Variants in SMCHD1 observed in about 807,000 individuals in gnomAD.
The protein encoded by SMCHD1 is structural maintenance of chromosomes flexible hinge domain-containing protein 1.
A neutral mutation model predicts 254.7 loss-of-function variants in SMCHD1; 78 were observed. The ratio of observed to expected loss-of-function variants is 0.31; its 90% CI spans 0.26 to 0.37. SMCHD1 has a LOEUF of 0.37. Among genes scored for constraint, SMCHD1 ranks in the 10% least tolerant of loss-of-function variants. SMCHD1 has a pLI of 1.00. For synonymous variants in SMCHD1, 766 were observed against 794.9 expected, an observed-to-expected ratio of 0.96 and a Z score of 0.61; for missense variants, 1,840 against 2,408.1, an observed-to-expected ratio of 0.76 and a Z score of 4.94.
chr18:2,732,618 T>C (rs2075164713), intron 25 of SMCHD1, 126 bp downstream of exon 25: 2 of 602,046 alleles, frequency 3.3e-6, no homozygotes, highest in African/African-American at 3.7e-5. Flanking sequence ...TATACTATCA[T>C]TTCAAATTGT....
At chr18:2,694,000 A>G (rs1447396237) in intron 7 of SMCHD1, among the ~76,000 whole-genome samples, 1 of 152,154 alleles carries the variant, frequency 6.6e-6, no homozygotes, top group Non-Finnish European at 1.5e-5. Context: ...AAATTCCCCT[A>G]CTAACTCCCT....
intron 1 of SMCHD1, among the ~76,000 whole-genome samples, chr18:2,660,975 A>G (rs1405848182): frequency 6.6e-6 from 1 of 152,214 alleles, no homozygotes; most frequent in Non-Finnish European, 1.5e-5. Context: ...TGGCACATAT[A>G]CACCATGGAA....
At chr18:2,798,978 A>AT (rs1282472851) in intron 47 of SMCHD1, among the ~76,000 whole-genome samples, 3 of 152,200 alleles carry the variant, frequency 2.0e-5, no homozygotes, top group Non-Finnish European at 4.4e-5. Context: ...GAACTTGTTA[A>AT]TTAAGATTTT....
intron 8 of SMCHD1, among the ~76,000 whole-genome samples, chr18:2,694,967 CAG>C: frequency 6.6e-6 from 1 of 152,276 alleles, no homozygotes; most frequent in Middle Eastern, 3.4e-3. Flanking sequence ...CACAGTTTGT[CAG>C]ATTGAGCACT....
In SMCHD1 at chr18:2,694,442, A is replaced by G. The variant is rs538678316; in HGVS notation, c.874-85A>G. Reference sequence around the variant, plus strand: ...AACCTATTTGTGAAACTCCAAGTAAATCACATTAAAATTTGATGCAATAGC... The same window carrying G: ...AACCTATTTGTGAAACTCCAAGTAAGTCACATTAAAATTTGATGCAATAGC... On this transcript the variant is annotated intron_variant, in intron 7 of 47. Coordinates refer to ENST00000320876, the MANE Select transcript of SMCHD1 (RefSeq NM_015295.3). 15 of 1,171,734 alleles carry G rather than the reference A, an allele frequency of 1.3e-5. No homozygotes were observed. The East Asian group carries it at 3.1e-4, about 24-fold the overall frequency. The allele number at this position is 1,171,734 out of a possible 1,614,324, so 72.6% of individuals were successfully genotyped here. A position where few individuals can be genotyped will look rare whatever the true frequency, so the allele number is the denominator to read the frequency against.
At chr18:2,719,028 A>G (rs1466791709) in intron 19 of SMCHD1, among the ~76,000 whole-genome samples, 1 of 151,108 alleles carries the variant, frequency 6.6e-6, no homozygotes, top group African/African-American at 2.4e-5. Flanking sequence ...CCCAGTCCTC[A>G]AGTTTTAGGG....
intron 2 of SMCHD1, 31 bp from the exon 3 acceptor site, chr18:2,666,829 GATGCTGACCT>G: frequency 6.6e-7 from 1 of 1,514,452 alleles, no homozygotes; most frequent in Non-Finnish European, 9.0e-7. Flanking sequence ...TTGAGTTTCT[GATGCTGACCT>G]AGCACTTATG....
In SMCHD1 at chr18:2,747,506, T is replaced by G. The variant is rs79829175; in HGVS notation, c.3802-16T>G. The G allele has an allele frequency of 3.3e-3, 5,148 of 1,582,640 alleles. 138 individuals carry two copies. In the African/African-American group the frequency reaches 0.058, roughly 18 times the overall value. On this transcript the variant is annotated splice_polypyrimidine_tract_variant and intron_variant, in intron 29 of 47. Coordinates refer to ENST00000320876, the MANE Select transcript of SMCHD1 (RefSeq NM_015295.3). ...ATATATTTTAGTGTTTCTTAAAATA[T>G]TTCTATTCTTTTCAGTCCATTCCAG...
chr18:2,662,968 G>T (rs992565540), intron 1 of SMCHD1, among the ~76,000 whole-genome samples: 4 of 152,004 alleles, frequency 2.6e-5, no homozygotes, highest in Non-Finnish European at 4.4e-5. Flanking sequence ...CTATTTCTCT[G>T]TACAGAGGCC....
At chr18:2,749,492 A>G (rs2075531302) in intron 30 of SMCHD1, among the ~76,000 whole-genome samples, 1 of 152,196 alleles carries the variant, frequency 6.6e-6, no homozygotes, top group African/African-American at 2.4e-5. Context: ...ACCCTTCTAG[A>G]CCAGTTATTA....
chr18:2,752,723 G>A (rs963054789), intron 34 of SMCHD1, 171 bp downstream of exon 34: 7 of 539,022 alleles, frequency 1.3e-5, no homozygotes, highest in Non-Finnish European at 2.3e-5. Context: ...TCGTTTTTAA[G>A]CATTAAATTG....
chr18:2,679,577 T>G lies in SMCHD1; in HGVS notation c.638+5432T>G, dbSNP rs374180274. Among the ~76,000 whole-genome samples the G allele has an allele frequency of 1.8e-3, 276 of 151,890 alleles. 3 individuals are homozygous for G. Among genetic ancestry groups the G allele is most frequent in the South Asian group, 2.1e-3 (10 of 4,798 alleles). ...CACTGCCTTCTGGCTTTATAGTTTC[T>G]GTTGACAAATTAGCTGTTAATCTTT... On this transcript the variant is annotated intron_variant, in intron 5 of 47. Transcript: ENST00000320876.
At chr18:2,705,081 C>A (rs767146716) in intron 13 of SMCHD1, among the ~76,000 whole-genome samples, 1 of 145,140 alleles carries the variant, frequency 6.9e-6, no homozygotes, top group Non-Finnish European at 1.5e-5. Flanking sequence ...TAGAGATGTG[C>A]GTAGGTTAAG....
At position 2,751,434 on chromosome 18, in the gene SMCHD1, T is replaced by C. The variant is rs757909126; in HGVS notation, c.4281+41T>C. The C allele has an allele frequency of 7.9e-6, 9 of 1,145,630 alleles. No individual in the cohort carries two copies. The Admixed American group carries it at 1.0e-4, about 13-fold the overall frequency. 71.0% of individuals were successfully genotyped at this position (1,145,630 alleles called of 1,614,324 possible). On this transcript the variant is annotated intron_variant, in intron 33 of 47. Coordinates refer to ENST00000320876, the MANE Select transcript of SMCHD1 (RefSeq NM_015295.3). Reference sequence around the variant, plus strand: ...CATTTTTTGAAGTTAAAAATAGTTCTTACATTTAACTTAAAACTAAGTCTC... The same window carrying C: ...CATTTTTTGAAGTTAAAAATAGTTCCTACATTTAACTTAAAACTAAGTCTC...
At position 2,790,708 on chromosome 18, in the gene SMCHD1, C is replaced by T. The variant is rs183365252; in HGVS notation, c.5720-5241C>T. Among the ~76,000 whole-genome samples, 164 of 152,288 alleles carry T rather than the reference C, an allele frequency of 1.1e-3. 1 individual carries two copies. The highest frequency in any genetic ancestry group is 3.8e-3 in the African/African-American group (160 of 41,562). On this transcript the variant is annotated intron_variant, in intron 45 of 47. Transcript: ENST00000320876. ...CCCAGGAGGCAGAGGTTGCAGTAAG[C>T]CAAGATTGCACCACTGCACTGCTGT... is the stretch of plus-strand genomic sequence containing the variant.
chr18:2,685,764 G>T (rs117438244), intron 5 of SMCHD1, among the ~76,000 whole-genome samples: 1 of 152,072 alleles, frequency 6.6e-6, no homozygotes, highest in Non-Finnish European at 1.5e-5. Context: ...CATAATTTTC[G>T]AGGATCATCC....
intron 5 of SMCHD1, among the ~76,000 whole-genome samples, chr18:2,678,834 T>G (rs142997688): frequency 0.69 from 87,824 of 127,012 alleles, 29,546 homozygotes; most frequent in Non-Finnish European, 0.78. Flanking sequence ...TTTTTTTTTT[T>G]TTTTGTTTGT....
rs188035317 is a variant in SMCHD1 at position 2,701,235 on chromosome 18, A to G, written c.1647+317A>G. The G allele has an allele frequency of 1.1e-4, 19 of 169,658 alleles. No individual in the cohort carries two copies. The East Asian group carries it at 3.0e-3, about 27-fold the overall frequency. 10.5% of individuals were successfully genotyped at this position (169,658 alleles called of 1,614,324 possible). A position where few individuals can be genotyped will look rare whatever the true frequency, so the allele number is the denominator to read the frequency against. ...GATTGCAGTGGCTCAATCTCAGCTC[A>G]CTGCAACCTCTGCCTCCCAGGTTCA... On this transcript the variant is annotated intron_variant, in intron 12 of 47. Coordinates refer to ENST00000320876, the MANE Select transcript of SMCHD1 (RefSeq NM_015295.3).
intron 25 of SMCHD1, 35 bp downstream of exon 25, chr18:2,732,527 A>C: frequency 7.3e-7 from 1 of 1,378,834 alleles, no homozygotes; most frequent in Middle Eastern, 2.6e-4. Context: ...ATTTGTAAGA[A>C]CTTTTTAAAT....
Sources: allele counts gnomAD v4.1 joint callset (sites outside exome capture counted in the v4.1 genomes callset), GRCh38; gene constraint gnomAD v4.1.1; transcripts MANE v1.5; gene names NCBI Gene and HGNC (gene_info 2026-07-23, HGNC 2026-07-21).